Variants in PRTFDC1 observed in about 807,000 individuals in gnomAD.
PRTFDC1 encodes the protein phosphoribosyltransferase domain-containing protein 1.
A neutral mutation model predicts 34.6 loss-of-function variants in PRTFDC1; 38 were observed. The ratio of observed to expected loss-of-function variants is 1.10; its 90% CI spans 0.85 to 1.44. The LOEUF (loss-of-function observed/expected upper bound fraction) is 1.44. PRTFDC1 is among the 40% of genes most tolerant of loss of function. The probability of loss-of-function intolerance (pLI) is 0.00; values close to 1 mark genes in which losing one functional copy is unlikely to be tolerated. For missense variants in PRTFDC1, 270 were observed against 283.0 expected, an observed-to-expected ratio of 0.95 and a Z score of 0.33; for synonymous variants, 93 against 98.1, an observed-to-expected ratio of 0.95 and a Z score of 0.31.
At chr10:24,883,012 A>G (rs1246975164) in intron 3 of PRTFDC1, among the ~76,000 whole-genome samples, 1 of 149,108 alleles carries the variant, frequency 6.7e-6, no homozygotes, top group East Asian at 1.9e-4. Context: ...TATATATGTA[A>G]TTACATATAT....
chr10:24,951,485 G>A, intron 1 of PRTFDC1: 2 of 849,684 alleles, frequency 2.4e-6, no homozygotes, highest in Non-Finnish European at 2.8e-6. Context: ...ATTAAGCACT[G>A]AGCCCCACAT....
At chr10:24,938,205 C>T (rs575317023) in intron 2 of PRTFDC1, among the ~76,000 whole-genome samples, 4 of 150,948 alleles carry the variant, frequency 2.6e-5, no homozygotes, top group East Asian at 4.0e-4. Context: ...CTCCAGCCTG[C>T]GCGACAGAGC....
chr10:24,878,280 A>G (rs1848002658), intron 3 of PRTFDC1, among the ~76,000 whole-genome samples: 1 of 118,436 alleles, frequency 8.4e-6, no homozygotes, highest in Admixed American at 9.5e-5. Flanking sequence ...TAAAAAAAAA[A>G]AGAAAGAAAC....
intron 3 of PRTFDC1, among the ~76,000 whole-genome samples, chr10:24,905,172 G>T (rs927527234): frequency 6.6e-6 from 1 of 151,896 alleles, no homozygotes; most frequent in African/African-American, 2.4e-5. Context: ...AATTAGCCAG[G>T]CACAGTGGTG....
At chr10:24,861,616 G>A (rs1847681593) in intron 4 of PRTFDC1, among the ~76,000 whole-genome samples, 1 of 151,964 alleles carries the variant, frequency 6.6e-6, no homozygotes, top group African/African-American at 2.4e-5. Context: ...TCCCAATTTT[G>A]CTTCCCAGAG....
intron 3 of PRTFDC1, among the ~76,000 whole-genome samples, chr10:24,912,572 T>C (rs1488587975): frequency 6.6e-6 from 1 of 152,138 alleles, no homozygotes; most frequent in Non-Finnish European, 1.5e-5. Flanking sequence ...CCTTTGCCTG[T>C]TTTGAAAATA....
chr10:24,920,299 G>A (rs1848766799), intron 3 of PRTFDC1, among the ~76,000 whole-genome samples: 1 of 150,520 alleles, frequency 6.6e-6, no homozygotes. Flanking sequence ...GAGTGTGTGT[G>A]TATATATATA....
chr10:24,873,657 T>C (rs1359918311), intron 3 of PRTFDC1, among the ~76,000 whole-genome samples: 1 of 152,146 alleles, frequency 6.6e-6, no homozygotes, highest in African/African-American at 2.4e-5. Context: ...CCTGAAGCTA[T>C]ACCCAGTCTC....
At chr10:24,932,970 G>A (rs1299674040) in intron 3 of PRTFDC1, among the ~76,000 whole-genome samples, 1 of 152,036 alleles carries the variant, frequency 6.6e-6, no homozygotes, top group Non-Finnish European at 1.5e-5. Context: ...TATAAAGTAA[G>A]CTGATTTTCA....
intron 1 of PRTFDC1, chr10:24,951,694 C>A: frequency 1.2e-6 from 1 of 832,026 alleles, no homozygotes. Context: ...ATAACCACCA[C>A]CTTCTAGGAA....
intron 3 of PRTFDC1, among the ~76,000 whole-genome samples, chr10:24,903,819 A>G (rs979983657): frequency 5.9e-5 from 9 of 151,356 alleles, no homozygotes; most frequent in African/African-American, 1.7e-4. Flanking sequence ...ACTACAAGCG[A>G]ACACAACCAC....
At chr10:24,942,460 A>G (rs976137842) in intron 1 of PRTFDC1, 24 bp from the exon 2 acceptor site, 6 of 1,578,056 alleles carry the variant, frequency 3.8e-6, no homozygotes, top group Non-Finnish European at 4.4e-6. Context: ...TATTTTGGTT[A>G]TGGTATTTTT....
chr10:24,893,000 C>T (rs1018727296), intron 3 of PRTFDC1, among the ~76,000 whole-genome samples: 11 of 152,066 alleles, frequency 7.2e-5, no homozygotes, highest in Non-Finnish European at 1.3e-4. Context: ...TCTAGCTATC[C>T]GTAGATAAGA....
At chr10:24,939,793 C>CAAAAAAAA (rs55974992) in intron 2 of PRTFDC1, among the ~76,000 whole-genome samples, 4 of 71,538 alleles carry the variant, frequency 5.6e-5, no homozygotes, top group Admixed American at 1.9e-4. Context: ...GACTCTATCT[C>CAAAAAAAA]AAAAAAAAAA....
intron 2 of PRTFDC1, among the ~76,000 whole-genome samples, chr10:24,940,570 T>C (rs931415766): frequency 3.3e-5 from 5 of 152,248 alleles, no homozygotes; most frequent in African/African-American, 9.6e-5. Context: ...TTGGCAAGTA[T>C]GTGGAAAAAC....
At chr10:24,940,832 T>C (rs2132613512) in intron 2 of PRTFDC1, among the ~76,000 whole-genome samples, 1 of 152,296 alleles carries the variant, frequency 6.6e-6, no homozygotes, top group African/African-American at 2.4e-5. Flanking sequence ...ACGATTTTCT[T>C]ACGCAAAATG....
At chr10:24,888,510 G>A (rs917798319) in intron 3 of PRTFDC1, among the ~76,000 whole-genome samples, 2 of 152,228 alleles carry the variant, frequency 1.3e-5, no homozygotes, top group Non-Finnish European at 2.9e-5. Context: ...GGACATGGGA[G>A]TGAATTAAGG....
chr10:24,934,907 C>T (rs1335160997), intron 3 of PRTFDC1, among the ~76,000 whole-genome samples: 3 of 152,138 alleles, frequency 2.0e-5, no homozygotes, highest in Non-Finnish European at 2.9e-5. Flanking sequence ...ATCAACAATA[C>T]ACACAATATG....
rs113054213 is a variant in PRTFDC1, at chr10:24,896,233, G to A, written c.340-24170C>T. 4.8e-3 allele frequency among the ~76,000 whole-genome samples: 731 copies of A among 152,302 alleles called. 6 individuals carry two copies. The highest frequency in any genetic ancestry group is 0.017 in the African/African-American group (700 of 41,540). On this transcript the variant is annotated intron_variant, in intron 3 of 8. Coordinates refer to ENST00000320152, the MANE Select transcript of PRTFDC1 (RefSeq NM_020200.7). ...GAGCTCTGCCTCCTGTCAGATCAGCGGGGGCATGAGATTCTCATAGGATCA... is the reference window on the plus strand; with the variant it reads ...GAGCTCTGCCTCCTGTCAGATCAGCAGGGGCATGAGATTCTCATAGGATCA...
Sources: gnomAD v4.1 joint callset for allele counts (sites outside exome capture counted in the v4.1 genomes callset) on GRCh38, gnomAD v4.1.1 for gene constraint, MANE v1.5 for transcripts, NCBI Gene and HGNC (gene_info 2026-07-23, HGNC 2026-07-21) for gene names.